INPP4B: variants seen among roughly 807,000 people sequenced by gnomAD.
INPP4B encodes the protein inositol polyphosphate-4-phosphatase type II B.
In INPP4B, 55 loss-of-function variants were observed where a neutral mutation model predicts 122.5. The observed-to-expected ratio is 0.45, with a 90% CI of 0.36 to 0.56. INPP4B has a LOEUF of 0.56. Among genes scored for constraint, INPP4B ranks in the 20% least tolerant of loss-of-function variants. The pLI is 0.00. For missense variants in INPP4B, 1,000 were observed against 1,097.7 expected, an observed-to-expected ratio of 0.91 and a Z score of 1.26; for synonymous variants, 403 against 388.7, an observed-to-expected ratio of 1.04 and a Z score of -0.43.
At chr4:142,121,527 A>G (rs1796540382) in intron 21 of INPP4B, among the ~76,000 whole-genome samples, 1 of 152,068 alleles carries the variant, frequency 6.6e-6, no homozygotes, top group Admixed American at 6.6e-5. Flanking sequence ...TATAAGATGT[A>G]CCTCTTCTAT....
chr4:142,528,427 C>T (rs1187287263), intron 2 of INPP4B, among the ~76,000 whole-genome samples: 2 of 152,064 alleles, frequency 1.3e-5, no homozygotes, highest in East Asian at 1.9e-4. Flanking sequence ...GGTCCGAGGA[C>T]CTCAGTTCCT....
chr4:142,587,667 C>T (rs1015291050), intron 2 of INPP4B, among the ~76,000 whole-genome samples: 1 of 152,012 alleles, frequency 6.6e-6, no homozygotes, highest in Non-Finnish European at 1.5e-5. Context: ...AAGCATTTAA[C>T]CTTTGCATTA....
intron 3 of INPP4B, among the ~76,000 whole-genome samples, chr4:142,449,379 T>G (rs2149495134): frequency 6.6e-6 from 1 of 152,256 alleles, no homozygotes; most frequent in Admixed American, 6.5e-5. Flanking sequence ...ATGCAGAACC[T>G]TGAGCCACAC....
At chr4:142,418,988 A>G (rs1297747866) in intron 5 of INPP4B, among the ~76,000 whole-genome samples, 1 of 152,042 alleles carries the variant, frequency 6.6e-6, no homozygotes, top group Non-Finnish European at 1.5e-5. Context: ...TGAAATTCAG[A>G]ATATGTTTTC....
chr4:142,603,985 A>G (rs1740658821), intron 2 of INPP4B, among the ~76,000 whole-genome samples: 2 of 152,094 alleles, frequency 1.3e-5, no homozygotes, highest in Admixed American at 1.3e-4. Flanking sequence ...TCAATGAAGT[A>G]CTAGTAAACT....
chr4:142,596,018 G>T (rs1208510522), intron 2 of INPP4B, among the ~76,000 whole-genome samples: 2 of 151,772 alleles, frequency 1.3e-5, no homozygotes, highest in African/African-American at 4.8e-5. Context: ...CCAGCTAATT[G>T]TTGTATTTTT....
At chr4:142,048,713 G>A (rs1361009693) in intron 25 of INPP4B, among the ~76,000 whole-genome samples, 1 of 151,988 alleles carries the variant, frequency 6.6e-6, no homozygotes, top group Non-Finnish European at 1.5e-5. Context: ...AAAGCAGCTT[G>A]AGAGCTGGTT....
intron 23 of INPP4B, among the ~76,000 whole-genome samples, chr4:142,106,411 G>C (rs1217708899): frequency 6.6e-6 from 1 of 152,206 alleles, no homozygotes; most frequent in Admixed American, 6.6e-5. Context: ...GTCCTGAGTA[G>C]CTGGGATCAC....
intron 1 of INPP4B, among the ~76,000 whole-genome samples, chr4:142,817,538 C>T (rs1249460158): frequency 2.6e-5 from 4 of 152,104 alleles, no homozygotes; most frequent in Non-Finnish European, 4.4e-5. Context: ...CACCTCCTTT[C>T]CAAGGAGCAT....
At chr4:142,644,474 A>C (rs1751276233) in intron 2 of INPP4B, among the ~76,000 whole-genome samples, 1 of 152,108 alleles carries the variant, frequency 6.6e-6, no homozygotes, top group Non-Finnish European at 1.5e-5. Context: ...TAAAACTTTA[A>C]GACAGGATTT....
chr4:142,204,650 A>G (rs1037722883), intron 14 of INPP4B, among the ~76,000 whole-genome samples: 2 of 152,094 alleles, frequency 1.3e-5, no homozygotes, highest in Admixed American at 6.6e-5. Context: ...TTAATCCTAT[A>G]TAACTGTTGT....
chr4:142,605,202 C>T (rs1374177151), intron 2 of INPP4B, among the ~76,000 whole-genome samples: 1 of 151,972 alleles, frequency 6.6e-6, no homozygotes, highest in African/African-American at 2.4e-5. Context: ...AACTGAATAA[C>T]CATATGCAGA....
Position 142,028,222 on chromosome 4 carries a change from A to G in INPP4B, c.*560T>C, listed in dbSNP as rs1737635975. 4.4e-6 allele frequency: 1 copy of G among 228,076 alleles called. No homozygotes were observed. Among genetic ancestry groups the G allele is most frequent in the African/African-American group, 2.2e-5 (1 of 45,072 alleles). The allele number at this position is 228,076 out of a possible 1,614,324, so 14.1% of individuals were successfully genotyped here. ...GGAGGAGTCACACCTTGACTGGATG[A>G]TAGAGATCATTGTGGAACATACCTG... On this transcript the variant is annotated 3_prime_UTR_variant, in exon 26 of 26. Coordinates refer to ENST00000262992, the MANE Select transcript of INPP4B (RefSeq NM_001101669.3).
intron 2 of INPP4B, among the ~76,000 whole-genome samples, chr4:142,665,163 A>G (rs1755801567): frequency 6.6e-6 from 1 of 152,206 alleles, no homozygotes; most frequent in Non-Finnish European, 1.5e-5. Context: ...ACATGACCAT[A>G]CTTCATATGC....
At chr4:142,029,469 G>A (rs1481664599) in intron 25 of INPP4B, 20 of 985,748 alleles carry the variant, frequency 2.0e-5, no homozygotes, top group Non-Finnish European at 2.3e-5. Context: ...TCCACGGACA[G>A]TACAAAAGTC....
chr4:142,402,629 A>G (rs1562020619), intron 7 of INPP4B, among the ~76,000 whole-genome samples: 1 of 152,160 alleles, frequency 6.6e-6, no homozygotes, highest in African/African-American at 2.4e-5. Context: ...AATATTGCCT[A>G]ATTTCCATTT....
chr4:142,393,139 G>T (rs1192619633), intron 7 of INPP4B, among the ~76,000 whole-genome samples: 2 of 152,096 alleles, frequency 1.3e-5, no homozygotes, highest in African/African-American at 4.8e-5. Flanking sequence ...TGAATGACAT[G>T]CCGAGGCTGA....
At chr4:142,142,658 G>A (rs964860161) in intron 18 of INPP4B, among the ~76,000 whole-genome samples, 1 of 151,948 alleles carries the variant, frequency 6.6e-6, no homozygotes, top group African/African-American at 2.4e-5. Context: ...TCATCAGAAG[G>A]ACACAGAAAT....
chr4:142,764,346 G>T (rs1771773047), intron 1 of INPP4B, among the ~76,000 whole-genome samples: 1 of 152,126 alleles, frequency 6.6e-6, no homozygotes, highest in Admixed American at 6.6e-5. Flanking sequence ...ACATCAAACA[G>T]ATACTGAAAT....
Sources: gnomAD v4.1 joint callset for allele counts (sites outside exome capture counted in the v4.1 genomes callset) on GRCh38, gnomAD v4.1.1 for gene constraint, MANE v1.5 for transcripts, NCBI Gene and HGNC (gene_info 2026-07-23, HGNC 2026-07-21) for gene names.